The following MRS2 variants were observed in gnomAD, a reference collection of about 807,000 sequenced individuals.
The protein encoded by MRS2 is magnesium transporter MRS2.
MRS2 carries 40 observed loss-of-function variants against 52.6 expected under a neutral mutation model. The observed-to-expected ratio is 0.76, with a 90% CI of 0.59 to 0.99. The LOEUF (loss-of-function observed/expected upper bound fraction) is 0.99. Ranked by LOEUF, MRS2 falls within the 50% of genes least tolerant of loss-of-function variation. MRS2 has a pLI of 0.00. For synonymous variants in MRS2, 193 were observed against 195.9 expected, an observed-to-expected ratio of 0.98 and a Z score of 0.13; for missense variants, 472 against 532.7, an observed-to-expected ratio of 0.89 and a Z score of 1.12.
intron 1 of MRS2, 53 bp from the exon 2 acceptor site, chr6:24,405,115 C>A: frequency 7.7e-7 from 1 of 1,303,204 alleles, no homozygotes; most frequent in South Asian, 1.2e-5. Context: ...TATTTTAGCT[C>A]TATGTGAAAA....
chr6:24,411,992 C>A (rs148079609), intron 4 of MRS2, among the ~76,000 whole-genome samples: 2 of 134,814 alleles, frequency 1.5e-5, no homozygotes, highest in African/African-American at 5.3e-5. Context: ...AGTTTCTTTT[C>A]TTTTGAAAAA....
At chr6:24,409,756 C>T (rs544332658) in intron 4 of MRS2, among the ~76,000 whole-genome samples, 183 bp downstream of exon 4, 9 of 152,232 alleles carry the variant, frequency 5.9e-5, no homozygotes, top group African/African-American at 1.7e-4. Flanking sequence ...GGATTATATG[C>T]ACATGTTCAA....
chr6:24,405,719 C>G (rs1345046148), intron 2 of MRS2, among the ~76,000 whole-genome samples: 2 of 145,996 alleles, frequency 1.4e-5, no homozygotes, highest in South Asian at 2.2e-4. Flanking sequence ...AAAGGTGACT[C>G]TAGGTGAAAG....
Position 24,411,203 on chromosome 6 carries a change from GA to G in MRS2, c.415-1010del, listed in dbSNP as rs962902099. 1.8e-3 allele frequency among the ~76,000 whole-genome samples: 258 copies of G among 143,878 alleles called. 1 individual carries two copies. The highest frequency in any genetic ancestry group is 6.0e-3 in the African/African-American group (238 of 39,404). 94.4% of individuals were successfully genotyped at this position (143,878 alleles called of 152,430 possible). On this transcript the variant is annotated intron_variant, in intron 4 of 10. Transcript: ENST00000378386. ...AGACTTCCATCTCAAAAAAAAAAAA[GA>G]AAAAAAAATTCATGATAGAATGTTG...
chr6:24,413,717 A>G (rs970711535), intron 5 of MRS2, among the ~76,000 whole-genome samples: 8 of 151,992 alleles, frequency 5.3e-5, no homozygotes, highest in African/African-American at 1.9e-4. Flanking sequence ...AGGCACTGTG[A>G]CTCTGGACTT....
At chr6:24,423,109 G>A (rs913396697) in intron 10 of MRS2, 59 bp downstream of exon 10, 1 of 1,380,362 alleles carries the variant, frequency 7.2e-7, no homozygotes, top group African/African-American at 1.4e-5. Flanking sequence ...GGGCCCTAAA[G>A]TCAGAGCGCC....
At chr6:24,412,120 A>G (rs1395335978) in intron 4 of MRS2, 102 bp from the exon 5 acceptor site, 4 of 597,978 alleles carry the variant, frequency 6.7e-6, no homozygotes, top group South Asian at 7.6e-5. Flanking sequence ...ACAGCTCTAC[A>G]ATTTGCATAT....
chr6:24,404,338 A>T (rs1308107997), intron 1 of MRS2, among the ~76,000 whole-genome samples: 1 of 152,236 alleles, frequency 6.6e-6, no homozygotes, highest in Non-Finnish European at 1.5e-5. Context: ...TAATCAGCAA[A>T]TGCCTTTTAC....
chr6:24,405,531 C>G (rs547360592), intron 2 of MRS2, among the ~76,000 whole-genome samples: 1 of 151,198 alleles, frequency 6.6e-6, no homozygotes, highest in South Asian at 2.1e-4. Context: ...AATACGCAGG[C>G]AGAAGCATTT....
intron 1 of MRS2, 114 bp downstream of exon 1, chr6:24,403,350 G>C (rs1301415376): frequency 1.4e-5 from 15 of 1,052,890 alleles, no homozygotes; most frequent in Middle Eastern, 3.1e-4. Flanking sequence ...CGCAGGCCTC[G>C]GCCTCCCGCG....
In MRS2 at chr6:24,411,858, T is replaced by G. The variant is rs990350313; in HGVS notation, c.415-364T>G. On this transcript the variant is annotated intron_variant, in intron 4 of 10. Transcript: ENST00000378386. The stretch of plus-strand genomic sequence containing the variant: ...GGCTTTCTGGGGGTATTTTTTGGTG[T>G]TTTTTTTTTTGTTTTTGTTTTTTTT... 7.1e-5 allele frequency among the ~76,000 whole-genome samples: 10 copies of G among 140,130 alleles called. No individual in the cohort carries two copies. The South Asian group carries it at 1.1e-3, about 15-fold the overall frequency. The allele number at this position is 140,130 out of a possible 152,430, so 91.9% of individuals were successfully genotyped here.
chr6:24,406,188 C>G (rs2127281813), intron 2 of MRS2, among the ~76,000 whole-genome samples: 1 of 151,796 alleles, frequency 6.6e-6, no homozygotes, highest in African/African-American at 2.4e-5. Context: ...GACTAGGTGG[C>G]CTTGGACAAG....
rs772635876 is a variant in MRS2 at position 24,415,164 on chromosome 6, G to A, written c.719+1G>A. The A allele has an allele frequency of 1.3e-6, 2 of 1,577,534 alleles. No individual in the cohort carries two copies. The highest frequency in any genetic ancestry group is 3.4e-5 in the Admixed American group (2 of 59,026). ...ACATTTTACTACAGAATGGCAAAAG[G>A]TAAATATGGATGATGTATCACATTG... On this transcript the variant is annotated splice_donor_variant, in intron 6 of 10. Transcript: ENST00000378386. LOFTEE classifies it high-confidence loss of function.
intron 4 of MRS2, 56 bp from the exon 5 acceptor site, chr6:24,412,166 C>A: frequency 2.1e-6 from 2 of 955,178 alleles, no homozygotes; most frequent in South Asian, 2.0e-5. Flanking sequence ...TATATACATG[C>A]ATGTGTGTAT....
chr6:24,403,343 A>AGGCCTC (rs1761352359), intron 1 of MRS2, 107 bp downstream of exon 1: 4 of 1,143,098 alleles, frequency 3.5e-6, no homozygotes, highest in Non-Finnish European at 3.6e-6. Flanking sequence ...CGCCCTCCGC[A>AGGCCTC]GGCCTCGGCC....
Position 24,403,052 on chromosome 6 carries a change from A to C in MRS2, c.6A>C (p.Glu2Asp), listed in dbSNP as rs940241845. 4 of 1,604,528 alleles carry C rather than the reference A, an allele frequency of 2.5e-6. No individual in the cohort carries two copies. Among genetic ancestry groups the C allele is most frequent in the African/African-American group, 2.7e-5 (2 of 74,686 alleles). The change falls in exon 1 of 11, where the codon GAA becomes GAC. Residue 2 changes from glutamate (E) to aspartate (D), a missense_variant. By Grantham distance (45) the Glu-to-Asp change is conservative. Coordinates refer to ENST00000378386, the MANE Select transcript of MRS2 (RefSeq NM_020662.4). M[E>D]CLRSLPCLLP... is the part of the protein sequence containing the mutation. ...CTGCTTCTTGCTCCAGCACCATGGAATGCCTGCGCAGTTTACCCTGCCTCC... is the reference window on the plus strand; with the variant it reads ...CTGCTTCTTGCTCCAGCACCATGGACTGCCTGCGCAGTTTACCCTGCCTCC...
chr6:24,412,731 A>G (rs933282704), intron 5 of MRS2, among the ~76,000 whole-genome samples: 3 of 152,204 alleles, frequency 2.0e-5, no homozygotes, highest in Admixed American at 6.5e-5. Flanking sequence ...CTAGATTGAC[A>G]TAGGAATCAC....
rs1253481885 is a variant in MRS2 at position 24,409,444 on chromosome 6, GTTTA to G, written c.302-13_302-10del. The G allele has an allele frequency of 2.0e-6, 3 of 1,505,442 alleles. No homozygotes were observed. Among genetic ancestry groups the G allele is most frequent in the Non-Finnish European group, 1.8e-6 (2 of 1,088,820 alleles). 93.3% of individuals were successfully genotyped at this position (1,505,442 alleles called of 1,614,324 possible). A position where few individuals can be genotyped will look rare whatever the true frequency, so the allele number is the denominator to read the frequency against. ...TAATGTATTTGGTTTAGCCCTCTCTGTTTATTTCTTTTATAGAAAGGAAGAAAAC... is the reference window on the plus strand; with the variant it reads ...TAATGTATTTGGTTTAGCCCTCTCTGTTTCTTTTATAGAAAGGAAGAAAAC... On this transcript the variant is annotated splice_polypyrimidine_tract_variant and intron_variant, in intron 3 of 10. Transcript: ENST00000378386.
intron 1 of MRS2, 149 bp downstream of exon 1, chr6:24,403,385 G>A (rs1313254176): frequency 5.4e-6 from 4 of 746,352 alleles, no homozygotes; most frequent in African/African-American, 3.7e-5. Flanking sequence ...GCACAGGCCC[G>A]CGGGCCGAGC....
Sources: gnomAD v4.1 joint callset for allele counts (sites outside exome capture counted in the v4.1 genomes callset) on GRCh38, gnomAD v4.1.1 for gene constraint, MANE v1.5 for transcripts, NCBI Gene and HGNC (gene_info 2026-07-23, HGNC 2026-07-21) for gene names.